ASIC2: variants seen among roughly 807,000 people sequenced by gnomAD.
ASIC2 encodes the protein acid-sensing ion channel 2.
In ASIC2, 25 loss-of-function variants were observed where a neutral mutation model predicts 57.3. The ratio of observed to expected loss-of-function variants is 0.44; its 90% confidence interval spans 0.32 to 0.61. The LOEUF is 0.61. Ranked by LOEUF, ASIC2 falls within the 20% of genes least tolerant of loss-of-function variation. ASIC2 has a pLI of 0.06. For missense variants in ASIC2, 641 were observed against 738.1 expected, an observed-to-expected ratio of 0.87 and a Z score of 1.52; for synonymous variants, 319 against 307.5, an observed-to-expected ratio of 1.04 and a Z score of -0.39.
At chr17:33,172,635 A>G (rs1462441461) in intron 1 of ASIC2, among the ~76,000 whole-genome samples, 2 of 152,218 alleles carry the variant, frequency 1.3e-5, no homozygotes, top group Non-Finnish European at 2.9e-5. Flanking sequence ...ATTTTCTCCC[A>G]TGCACGGAAC....
chr17:33,880,028 G>A (rs1416131571), intron 1 of ASIC2, among the ~76,000 whole-genome samples: 9 of 152,146 alleles, frequency 5.9e-5, no homozygotes, highest in Non-Finnish European at 1.0e-4. Context: ...CGAAATGAAG[G>A]CAGAAATAAA....
At chr17:34,109,879 T>C (rs1033445374) in intron 1 of ASIC2, among the ~76,000 whole-genome samples, 5 of 152,098 alleles carry the variant, frequency 3.3e-5, no homozygotes, top group African/African-American at 1.2e-4. Context: ...TTTTTCTCTC[T>C]CTTTATCTAT....
intron 1 of ASIC2, among the ~76,000 whole-genome samples, chr17:33,312,780 A>G (rs1429059643): frequency 6.6e-6 from 1 of 152,184 alleles, no homozygotes; most frequent in Non-Finnish European, 1.5e-5. Context: ...ACTAAAAAAT[A>G]CAAAAATTAG....
intron 1 of ASIC2, chr17:33,291,182 G>T: frequency 1.1e-6 from 1 of 908,828 alleles, no homozygotes; most frequent in Non-Finnish European, 1.5e-6. Flanking sequence ...GGCTGGGACA[G>T]GGGAGCTCCC....
At chr17:33,060,486 T>C (rs2092016311) in intron 3 of ASIC2, among the ~76,000 whole-genome samples, 1 of 151,802 alleles carries the variant, frequency 6.6e-6, no homozygotes, top group South Asian at 2.1e-4. Context: ...TGTGGTATTA[T>C]TTCTGAGGGC....
At chr17:33,236,172 T>G (rs1908289973) in intron 1 of ASIC2, among the ~76,000 whole-genome samples, 1 of 151,998 alleles carries the variant, frequency 6.6e-6, no homozygotes, top group Admixed American at 6.6e-5. Context: ...TAGAATGGGT[T>G]AAGACTTCTG....
rs886810172 is a variant in ASIC2, at chr17:33,292,314, G to A, written c.-199C>T. 1.0e-6 allele frequency: 1 copy of A among 986,400 alleles called. No individual in the cohort carries two copies. The highest frequency in any genetic ancestry group is 1.8e-5 in the African/African-American group (1 of 57,036). The allele number at this position is 986,400 out of a possible 1,614,324, so 61.1% of individuals were successfully genotyped here. On this transcript the variant is annotated 5_prime_UTR_variant, in exon 1 of 10. Transcript: ENST00000225823. ...CTGCCGCCTCCGCGGGCGCCCGCCC[G>A]GGGCTGAGCGCCGCCTCAGCCCGCA...
chr17:33,418,702 C>T (rs898112508), intron 1 of ASIC2, among the ~76,000 whole-genome samples: 1 of 152,068 alleles, frequency 6.6e-6, no homozygotes, highest in Admixed American at 6.6e-5. Flanking sequence ...TTTCTGAGGC[C>T]TCTGTTCTGT....
chr17:33,167,947 A>G (rs772547025), intron 1 of ASIC2, among the ~76,000 whole-genome samples: 1 of 152,254 alleles, frequency 6.6e-6, no homozygotes, highest in Non-Finnish European at 1.5e-5. Context: ...TTGGAACAAT[A>G]TTAAGATGTG....
At chr17:33,909,699 T>C (rs1000139732) in intron 1 of ASIC2, among the ~76,000 whole-genome samples, 4 of 152,248 alleles carry the variant, frequency 2.6e-5, no homozygotes, top group African/African-American at 9.6e-5. Flanking sequence ...TTTATTTTGC[T>C]TCTTCATTTA....
intron 1 of ASIC2, among the ~76,000 whole-genome samples, chr17:33,722,529 G>A (rs1909419718): frequency 1.3e-5 from 2 of 152,182 alleles, no homozygotes; most frequent in Admixed American, 1.3e-4. Context: ...TATTTTGGGA[G>A]GTCAAGGTGG....
At chr17:33,501,614 C>T (rs1051081238) in intron 1 of ASIC2, among the ~76,000 whole-genome samples, 9 of 152,146 alleles carry the variant, frequency 5.9e-5, no homozygotes, top group African/African-American at 1.9e-4. Flanking sequence ...CCGTCGAATC[C>T]GTGTTGGAAA....
chr17:33,235,832 CATT>C (rs917429288), intron 1 of ASIC2, among the ~76,000 whole-genome samples: 9 of 151,988 alleles, frequency 5.9e-5, no homozygotes, highest in Non-Finnish European at 1.0e-4. Flanking sequence ...GATGATATAT[CATT>C]ATTATTATTA....
At chr17:33,449,670 C>T (rs564778281) in intron 1 of ASIC2, among the ~76,000 whole-genome samples, 2 of 152,270 alleles carry the variant, frequency 1.3e-5, no homozygotes, top group African/African-American at 2.4e-5. Context: ...GGAAAATTTC[C>T]TATACATAAA....
chr17:33,047,673 A>G (rs993517852), intron 3 of ASIC2, among the ~76,000 whole-genome samples: 2 of 152,040 alleles, frequency 1.3e-5, no homozygotes, highest in Admixed American at 1.3e-4. Context: ...TTTCATTTCC[A>G]CTAAATGATT....
chr17:34,086,943 G>C (rs1378122414), intron 1 of ASIC2, among the ~76,000 whole-genome samples: 1 of 152,142 alleles, frequency 6.6e-6, no homozygotes, highest in East Asian at 1.9e-4. Context: ...CTCTGCATGG[G>C]AGATGGGTTT....
At chr17:33,815,722 C>T (rs1332252149) in intron 1 of ASIC2, among the ~76,000 whole-genome samples, 5 of 152,154 alleles carry the variant, frequency 3.3e-5, no homozygotes, top group African/African-American at 9.7e-5. Context: ...TCTTTGTTTA[C>T]TCGCTTTACT....
rs1334413546 is a variant in ASIC2 at position 33,028,348 on chromosome 17, C to A, written c.1032G>T (p.Glu344Asp). ...PPPWGECRSS[E>D]MGLDFFPVYS... ...AAACAGGAAAAAAGTCGAGGCCCAT[C>A]TCTGAGGATCGGCACTCACCCCACG... The change falls in exon 4 of 10, where the codon GAG (glutamate) becomes GAT (aspartate). Residue 344 changes from glutamate to aspartate, a missense_variant. By Grantham distance (45) the Glu-to-Asp change is conservative. This residue lies in a region of ASIC2 where 252 missense variants were observed against 319.8 expected (regional missense o/e 0.79). Coordinates refer to ENST00000225823, the MANE Select transcript of ASIC2 (RefSeq NM_183377.2). The A allele has an allele frequency of 9.3e-6, 15 of 1,614,018 alleles. No homozygotes were observed. The highest frequency in any genetic ancestry group is 1.3e-5 in the Non-Finnish European group (15 of 1,180,040).
chr17:34,026,163 A>AT (rs570921568), intron 1 of ASIC2, among the ~76,000 whole-genome samples: 17 of 152,220 alleles, frequency 1.1e-4, no homozygotes, highest in South Asian at 8.3e-4. Context: ...GTTTGCTGGT[A>AT]TTTTTTGCAG....
Sources: allele counts gnomAD v4.1 joint callset (sites outside exome capture counted in the v4.1 genomes callset), GRCh38; gene constraint gnomAD v4.1.1; regional missense constraint gnomAD v4.1.1; transcripts MANE v1.5; gene names NCBI Gene and HGNC (gene_info 2026-07-23, HGNC 2026-07-21).